Variants in RALGPS1 observed in about 807,000 individuals in gnomAD.
RALGPS1 encodes Ral GEF with PH domain and SH3 binding motif 1.
A neutral mutation model predicts 78.8 loss-of-function variants in RALGPS1; 19 were observed. That is an observed-to-expected ratio of 0.24 (90% CI 0.17 to 0.35). The LOEUF (loss-of-function observed/expected upper bound fraction) is 0.35. RALGPS1 is among the 10% of genes least tolerant of loss of function. The pLI, the probability that RALGPS1 is intolerant of heterozygous loss-of-function variation, is 1.00. For synonymous variants in RALGPS1, 228 were observed against 256.3 expected, an observed-to-expected ratio of 0.89 and a Z score of 1.06; for missense variants, 454 against 688.3, an observed-to-expected ratio of 0.66 and a Z score of 3.81.
intron 1 of RALGPS1, among the ~76,000 whole-genome samples, chr9:126,933,819 G>A (rs2036020331): frequency 1.3e-5 from 2 of 152,226 alleles, no homozygotes; most frequent in East Asian, 3.9e-4. Context: ...GTGCCTGCAG[G>A]GGGGGTGTGC....
At chr9:127,048,814 T>G (rs1325855694) in intron 5 of RALGPS1, among the ~76,000 whole-genome samples, 1 of 152,252 alleles carries the variant, frequency 6.6e-6, no homozygotes, top group Non-Finnish European at 1.5e-5. Context: ...AGTCTGAGCT[T>G]AATTGTGGGC....
At chr9:127,185,523 C>A (rs1222899694) in intron 11 of RALGPS1, among the ~76,000 whole-genome samples, 4 of 152,210 alleles carry the variant, frequency 2.6e-5, no homozygotes, top group Admixed American at 2.0e-4. Flanking sequence ...GAGATAGCAA[C>A]AGTATTTGCA....
At chr9:127,179,259 A>T (rs1487198709) in intron 11 of RALGPS1, among the ~76,000 whole-genome samples, 1 of 152,212 alleles carries the variant, frequency 6.6e-6, no homozygotes, top group Admixed American at 6.5e-5. Flanking sequence ...GGAAGGTTTC[A>T]GACACACTCG....
At chr9:126,952,719 A>G (rs1465155365) in intron 1 of RALGPS1, among the ~76,000 whole-genome samples, 2 of 144,330 alleles carry the variant, frequency 1.4e-5, no homozygotes, top group African/African-American at 4.9e-5. Flanking sequence ...GCATGCGTGC[A>G]TGTGCCTGTG....
Position 127,214,779 on chromosome 9 carries a change from C to T in RALGPS1, c.1581C>T (p.Ser527=). 1 of 1,610,942 alleles carries T rather than the reference C, an allele frequency of 6.2e-7. No homozygotes were observed. Among genetic ancestry groups the T allele is most frequent in the Non-Finnish European group, 8.5e-7 (1 of 1,178,870 alleles). Residue 527 remains serine, a synonymous_variant, in exon 18 of 19, where the codon TCC becomes TCT. Coordinates refer to ENST00000259351, the MANE Select transcript of RALGPS1 (RefSeq NM_014636.3). The stretch of plus-strand genomic sequence containing the variant: ...ATGTTTACAAGTTTCAGACTGGTTC[C>T]CGATTTCATGCAATACTGTGGCACA... ...KGNVYKFQTG[S]RFHAILWHKH...
At chr9:127,165,644 C>T (rs2059257130) in intron 8 of RALGPS1, among the ~76,000 whole-genome samples, 1 of 152,124 alleles carries the variant, frequency 6.6e-6, no homozygotes, top group Non-Finnish European at 1.5e-5. Flanking sequence ...AACAGATAGA[C>T]AAATAGACAG....
chr9:126,923,255 AG>A lies in RALGPS1; in HGVS notation c.-66+8283del, dbSNP rs144072777. ...CCTTATGTTGATTCTGCAGGTAGCT[AG>A]GGCAGGTTTTGATGTGCATAGAAGA... On this transcript the variant is annotated intron_variant, in intron 1 of 18. Coordinates refer to ENST00000259351, the MANE Select transcript of RALGPS1 (RefSeq NM_014636.3). 2.4e-3 allele frequency among the ~76,000 whole-genome samples: 366 copies of A among 152,302 alleles called. 2 individuals carry two copies. The highest frequency in any genetic ancestry group is 8.3e-3 in the African/African-American group (345 of 41,560).
At chr9:126,919,345 C>T (rs939502283) in intron 1 of RALGPS1, among the ~76,000 whole-genome samples, 14 of 152,084 alleles carry the variant, frequency 9.2e-5, no homozygotes, top group African/African-American at 3.4e-4. Context: ...CATCCTTTGT[C>T]CTAGGAAAAA....
At chr9:127,152,931 G>A (rs1364492607) in intron 8 of RALGPS1, among the ~76,000 whole-genome samples, 2 of 152,186 alleles carry the variant, frequency 1.3e-5, no homozygotes, top group Admixed American at 6.5e-5. Flanking sequence ...GAAAGTTACA[G>A]GTACTATCTC....
chr9:126,948,959 C>T (rs1312504253), intron 1 of RALGPS1, among the ~76,000 whole-genome samples: 1 of 151,964 alleles, frequency 6.6e-6, no homozygotes, highest in Non-Finnish European at 1.5e-5. Flanking sequence ...AATGCTATCC[C>T]TCCCCCCTAC....
chr9:127,017,938 C>T (rs561829702), intron 4 of RALGPS1, among the ~76,000 whole-genome samples: 7 of 152,120 alleles, frequency 4.6e-5, no homozygotes, highest in East Asian at 1.9e-4. Flanking sequence ...TTCTTCTGGC[C>T]GGGCGCTGTG....
chr9:127,196,656 A>G, intron 13 of RALGPS1, 25 bp downstream of exon 13: 1 of 1,560,806 alleles, frequency 6.4e-7, no homozygotes, highest in Non-Finnish European at 8.7e-7. Context: ...CCTGCACATG[A>G]TAGGCTGGTG....
At chr9:127,093,845 T>C (rs758548671) in intron 8 of RALGPS1, 5 of 1,613,664 alleles carry the variant, frequency 3.1e-6, no homozygotes, top group South Asian at 1.1e-5. Flanking sequence ...CATGAGGCGG[T>C]TGGTGTTCTC....
chr9:127,017,831 C>T (rs753370182), intron 4 of RALGPS1, among the ~76,000 whole-genome samples: 6 of 152,100 alleles, frequency 3.9e-5, no homozygotes, highest in Non-Finnish European at 7.4e-5. Context: ...GGGTCAGCAT[C>T]GTAAATATCA....
At chr9:127,066,821 A>T (rs538748275) in intron 7 of RALGPS1, among the ~76,000 whole-genome samples, 13 of 152,162 alleles carry the variant, frequency 8.5e-5, no homozygotes, top group Middle Eastern at 3.4e-3. Flanking sequence ...TAATAATAAT[A>T]ATTATTTTAC....
chr9:127,090,983 A>T (rs1214154326), intron 8 of RALGPS1, among the ~76,000 whole-genome samples: 1 of 152,190 alleles, frequency 6.6e-6, no homozygotes, highest in Non-Finnish European at 1.5e-5. Flanking sequence ...CTAGATTTGA[A>T]GCATGTGATC....
chr9:127,171,490 C>T (rs1001799864), intron 10 of RALGPS1, among the ~76,000 whole-genome samples: 14 of 152,192 alleles, frequency 9.2e-5, no homozygotes, highest in Admixed American at 7.9e-4. Flanking sequence ...TGGCTCATGC[C>T]TGTTCACGCC....
At chr9:126,969,465 T>C (rs577998129) in intron 3 of RALGPS1, among the ~76,000 whole-genome samples, 1 of 152,324 alleles carries the variant, frequency 6.6e-6, no homozygotes, top group Admixed American at 6.5e-5. Context: ...AGTAGCCACA[T>C]GTGGCTAGTG....
At chr9:127,073,446 TTGTGTGTGTGTGTGTGTGTCTG>T (rs1237895998) in intron 8 of RALGPS1, among the ~76,000 whole-genome samples, 3 of 88,538 alleles carry the variant, frequency 3.4e-5, no homozygotes, top group Non-Finnish European at 5.3e-5. Flanking sequence ...TAGTACACCA[TTGTGTGTGTGTGTGTGTGTCTG>T]TGTGTGTGTG....
Sources: gnomAD v4.1 joint callset for allele counts (sites outside exome capture counted in the v4.1 genomes callset) on GRCh38, gnomAD v4.1.1 for gene constraint, MANE v1.5 for transcripts, NCBI Gene and HGNC (gene_info 2026-07-23, HGNC 2026-07-21) for gene names.